The following ENTREP2 variants were observed in gnomAD, a reference collection of about 807,000 sequenced individuals.
The protein encoded by ENTREP2 is protein ENTREP2.
chr15:29,445,408 C>T, the ENTREP2 span, among the ~76,000 whole-genome samples: 1 of 152,064 alleles, frequency 6.6e-6, no homozygotes, highest in Admixed American at 6.5e-5. Flanking sequence ...CCCACAATCC[C>T]ACCACCACCC....
At chr15:29,377,473 C>T in the ENTREP2 span, among the ~76,000 whole-genome samples, 1 of 152,086 alleles carries the variant, frequency 6.6e-6, no homozygotes, top group South Asian at 2.1e-4. Context: ...CAGGCAAGGA[C>T]CTGCCCTAGA....
chr15:29,338,919 T>C, the ENTREP2 span, among the ~76,000 whole-genome samples: 1,648 of 152,268 alleles, frequency 0.011, 28 homozygotes, highest in African/African-American at 0.038. Flanking sequence ...GTTTCAGATT[T>C]TCAGCTGAAT....
the ENTREP2 span, among the ~76,000 whole-genome samples, chr15:29,135,866 G>A: frequency 6.6e-6 from 1 of 152,174 alleles, no homozygotes; most frequent in Non-Finnish European, 1.5e-5. This position sits in a 1 kb window ranked among gnomAD's most constrained non-coding sequence, Gnocchi z 7.4. Context: ...CCAGAGGGCG[G>A]TGATGGCAGT....
At chr15:29,321,424 T>C in the ENTREP2 span, among the ~76,000 whole-genome samples, 1 of 151,500 alleles carries the variant, frequency 6.6e-6, no homozygotes, top group Non-Finnish European at 1.5e-5. Flanking sequence ...CCAAGGCGGG[T>C]GGATCACAAG....
At chr15:29,665,580 A>G in the ENTREP2 span, among the ~76,000 whole-genome samples, 47 of 152,266 alleles carry the variant, frequency 3.1e-4, no homozygotes, top group African/African-American at 1.1e-3. Context: ...CGTTAAAGTC[A>G]TATTTGGAGA....
the ENTREP2 span, among the ~76,000 whole-genome samples, chr15:29,615,843 T>C: frequency 3.3e-5 from 5 of 152,166 alleles, no homozygotes; most frequent in Non-Finnish European, 5.9e-5. Flanking sequence ...ACTGTGCAGA[T>C]TGTCTTTCTT....
At chr15:29,223,307 C>G in the ENTREP2 span, among the ~76,000 whole-genome samples, 1 of 152,164 alleles carries the variant, frequency 6.6e-6, no homozygotes, top group African/African-American at 2.4e-5. Context: ...CAGACAAGTC[C>G]TCCTGGTTCT....
chr15:29,658,041 G>C, the ENTREP2 span, among the ~76,000 whole-genome samples: 1 of 152,142 alleles, frequency 6.6e-6, no homozygotes. Flanking sequence ...AAACAAATCA[G>C]GAGTTGCCAA....
the ENTREP2 span, among the ~76,000 whole-genome samples, chr15:29,423,749 T>A: frequency 1.3e-5 from 2 of 152,044 alleles, no homozygotes; most frequent in Non-Finnish European, 2.9e-5. Context: ...AGTAAGCAGA[T>A]ATCGCGCCAC....
chr15:29,189,151 T>C, the ENTREP2 span, among the ~76,000 whole-genome samples: 1 of 152,218 alleles, frequency 6.6e-6, no homozygotes, highest in Admixed American at 6.5e-5. Context: ...CCCCAGTTTA[T>C]ACCCCATTGG....
At chr15:29,439,289 ACACACACACACACACACACACAC>A in the ENTREP2 span, among the ~76,000 whole-genome samples, 3 of 98,602 alleles carry the variant, frequency 3.0e-5, no homozygotes, top group Non-Finnish European at 7.3e-5. Context: ...GGAATTACAC[ACACACACACACACACACACACAC>A]ACACACACAC....
chr15:29,617,268 G>A, the ENTREP2 span, among the ~76,000 whole-genome samples: 1 of 152,050 alleles, frequency 6.6e-6, no homozygotes, highest in African/African-American at 2.4e-5. Flanking sequence ...CTGAGCACCA[G>A]GAATGCACAC....
At chr15:29,158,806 G>A in the ENTREP2 span, among the ~76,000 whole-genome samples, 3 of 151,964 alleles carry the variant, frequency 2.0e-5, no homozygotes, top group South Asian at 2.1e-4. Context: ...TGTTATTAAT[G>A]TTATAAAGTT....
the ENTREP2 span, among the ~76,000 whole-genome samples, chr15:29,511,225 C>A: frequency 0.076 from 11,606 of 152,210 alleles, 494 homozygotes; most frequent in African/African-American, 0.095. Context: ...AGAAGACATG[C>A]TCCCATGTGT....
chr15:29,655,272 C>A, the ENTREP2 span, among the ~76,000 whole-genome samples: 2 of 152,144 alleles, frequency 1.3e-5, no homozygotes, highest in African/African-American at 2.4e-5. Flanking sequence ...GGTAGCACAA[C>A]CCTAATCTAT....
chr15:29,473,298 T>C, the ENTREP2 span, among the ~76,000 whole-genome samples: 3 of 151,760 alleles, frequency 2.0e-5, no homozygotes, highest in Non-Finnish European at 4.4e-5. Context: ...GCAGCTGGAA[T>C]GTGCCCTCTT....
the ENTREP2 span, among the ~76,000 whole-genome samples, chr15:29,349,238 G>A: frequency 1.5e-4 from 23 of 151,776 alleles, no homozygotes; most frequent in African/African-American, 5.3e-4. Context: ...GTACTTACTC[G>A]CATTAAAAAA....
chr15:29,613,418 C>A, the ENTREP2 span: 2 of 462,014 alleles, frequency 4.3e-6, no homozygotes, highest in East Asian at 6.7e-5. Flanking sequence ...GCCTTCAGGG[C>A]TTCCAGCTGA....
At chr15:29,172,824 C>T in the ENTREP2 span, among the ~76,000 whole-genome samples, 2 of 152,124 alleles carry the variant, frequency 1.3e-5, no homozygotes, top group Non-Finnish European at 2.9e-5. Flanking sequence ...CCTGGCTGAA[C>T]CTCCCCCTCT....
Sources: gnomAD v4.1 joint callset for allele counts (sites outside exome capture counted in the v4.1 genomes callset) on GRCh38, gnomAD v4.1.1 for gene constraint, Gnocchi (gnomAD v3.1) non-coding constraint, MANE v1.5 for transcripts, NCBI Gene and HGNC (gene_info 2026-07-23, HGNC 2026-07-21) for gene names.